The following THSD7A variants were observed in gnomAD, a reference collection of about 807,000 sequenced individuals.
The protein encoded by THSD7A is thrombospondin type-1 domain-containing protein 7A.
Under a neutral mutation model 231.3 loss-of-function variants are expected in THSD7A, and 96 were observed. The ratio of observed to expected loss-of-function variants is 0.41; its 90% CI spans 0.35 to 0.49. The LOEUF (loss-of-function observed/expected upper bound fraction) is 0.49, where lower values mean the gene tolerates loss of function less well. Ranked by LOEUF, THSD7A falls within the 20% of genes least tolerant of loss-of-function variation. The pLI, the probability that THSD7A is intolerant of heterozygous loss-of-function variation, is 0.05. For synonymous variants in THSD7A, 940 were observed against 743.3 expected (o/e 1.26, Z -4.30); for missense variants, 2,290 against 2,070.2 (o/e 1.11, Z -2.06).
intron 1 of THSD7A, among the ~76,000 whole-genome samples, chr7:11,736,784 A>G (rs1781930279): frequency 1.3e-5 from 2 of 151,998 alleles, no homozygotes; most frequent in Admixed American, 6.6e-5. Context: ...CTTTGAAAGT[A>G]CTTGATATGG....
intron 1 of THSD7A, among the ~76,000 whole-genome samples, chr7:11,716,442 C>T (rs911530283): frequency 1.3e-5 from 2 of 151,636 alleles, no homozygotes; most frequent in Non-Finnish European, 3.0e-5. Context: ...CCCAACCCTG[C>T]TCTGTGGTCC....
intron 1 of THSD7A, among the ~76,000 whole-genome samples, chr7:11,737,182 T>A (rs1781945044): frequency 6.6e-6 from 1 of 152,052 alleles, no homozygotes; most frequent in Admixed American, 6.6e-5. Flanking sequence ...AGTATTTATT[T>A]CATTTTGCTG....
intron 24 of THSD7A, among the ~76,000 whole-genome samples, chr7:11,380,488 T>C (rs1357005953): frequency 6.6e-6 from 1 of 152,210 alleles, no homozygotes; most frequent in Non-Finnish European, 1.5e-5. Flanking sequence ...GATGATTCTC[T>C]GGAATTTAAT....
At chr7:11,509,127 A>G (rs190391382) in intron 6 of THSD7A, among the ~76,000 whole-genome samples, 54 of 152,338 alleles carry the variant, frequency 3.5e-4, no homozygotes, top group African/African-American at 1.2e-3. Flanking sequence ...TACACTTTAC[A>G]TATAATTTTT....
At chr7:11,769,149 A>ATTTTTTTTTTTTTTTT (rs1245740094) in intron 1 of THSD7A, among the ~76,000 whole-genome samples, 29 of 36,254 alleles carry the variant, frequency 8.0e-4, no homozygotes, top group Non-Finnish European at 1.6e-3. Context: ...ATATATATAT[A>ATTTTTTTTTTTTTTTT]TATATTTTTT....
intron 6 of THSD7A, among the ~76,000 whole-genome samples, chr7:11,525,849 CAT>C (rs1183128454): frequency 7.9e-5 from 12 of 152,110 alleles, no homozygotes; most frequent in African/African-American, 2.9e-4. Context: ...GACTCTAAAA[CAT>C]ATGGATATAC....
At chr7:11,738,842 C>T (rs1054169941) in intron 1 of THSD7A, among the ~76,000 whole-genome samples, 1 of 151,986 alleles carries the variant, frequency 6.6e-6, no homozygotes, top group African/African-American at 2.4e-5. Flanking sequence ...AACCAAAGTC[C>T]TGCCATTACC....
At chr7:11,808,561 T>A (rs928902235) in intron 1 of THSD7A, among the ~76,000 whole-genome samples, 6 of 152,144 alleles carry the variant, frequency 3.9e-5, no homozygotes, top group African/African-American at 1.4e-4. Context: ...TGAAAAAATA[T>A]AGGTTTTCTA....
intron 22 of THSD7A, among the ~76,000 whole-genome samples, chr7:11,404,418 T>C (rs753495607): frequency 2.6e-5 from 4 of 152,174 alleles, no homozygotes; most frequent in Non-Finnish European, 5.9e-5. Flanking sequence ...AACAATCCTA[T>C]TACTGGTGCT....
In THSD7A at chr7:11,406,550, G is replaced by C; in HGVS notation, c.4063-76C>G. ...GAGAGCTCATCACTTAGTTATCTCT[G>C]CACCACTGACTTTGATTTATGAACA... On this transcript the variant is annotated intron_variant, in intron 21 of 27. Transcript: ENST00000423059. This position sits in a 1 kb window ranked among gnomAD's most constrained non-coding sequence, Gnocchi z 4.7. The C allele has an allele frequency of 7.2e-7, 1 of 1,391,978 alleles. No individual in the cohort carries two copies. Among genetic ancestry groups the C allele is most frequent in the Non-Finnish European group, 9.6e-7 (1 of 1,040,000 alleles). The allele number at this position is 1,391,978 out of a possible 1,614,324, so 86.2% of individuals were successfully genotyped here.
chr7:11,440,592 G>A lies in THSD7A; in HGVS notation c.3064+5469C>T, dbSNP rs111570688. Among the ~76,000 whole-genome samples the A allele has an allele frequency of 3.9e-5, 6 of 152,130 alleles. 2 individuals carry two copies. The highest frequency in any genetic ancestry group is 1.4e-4 in the African/African-American group (6 of 41,526). ...GAAGTTGGTTCTCATGGATGACTTT[G>A]AGGGGGTTCAAGACTTCAGTGGAGA... On this transcript the variant is annotated intron_variant, in intron 13 of 27. Transcript: ENST00000423059.
intron 1 of THSD7A, among the ~76,000 whole-genome samples, chr7:11,700,519 T>TAACAA (rs1437340226): frequency 1.3e-5 from 2 of 151,246 alleles, no homozygotes; most frequent in African/African-American, 4.8e-5. Flanking sequence ...AAAAAATACT[T>TAACAA]AATATATAAC....
chr7:11,638,433 A>G lies in THSD7A; in HGVS notation c.191-1472T>C, dbSNP rs537432210. 3.5e-4 allele frequency among the ~76,000 whole-genome samples: 53 copies of G among 152,320 alleles called. No individual in the cohort carries two copies. In the South Asian group the frequency reaches 0.01, roughly 30 times the overall value. ...GCTAGTATATGAATAAAGAAATATAAAGAATGTGCCTATCATATTTAATCT... is the reference window on the plus strand; with the variant it reads ...GCTAGTATATGAATAAAGAAATATAGAGAATGTGCCTATCATATTTAATCT... On this transcript the variant is annotated intron_variant, in intron 1 of 27. Coordinates refer to ENST00000423059, the MANE Select transcript of THSD7A (RefSeq NM_015204.3).
chr7:11,556,925 T>C (rs1402236424), intron 4 of THSD7A, among the ~76,000 whole-genome samples: 1 of 152,052 alleles, frequency 6.6e-6, no homozygotes, highest in Non-Finnish European at 1.5e-5. Flanking sequence ...TTATAATATG[T>C]CTTGGCATGT....
chr7:11,805,131 C>A (rs1051400492), intron 1 of THSD7A, among the ~76,000 whole-genome samples: 4 of 152,084 alleles, frequency 2.6e-5, no homozygotes, highest in Admixed American at 6.6e-5. Context: ...GAGTACCCAG[C>A]TTTTGGTCCA....
At chr7:11,586,114 G>C (rs1011513863) in intron 4 of THSD7A, among the ~76,000 whole-genome samples, 5 of 152,068 alleles carry the variant, frequency 3.3e-5, no homozygotes, top group African/African-American at 7.2e-5. Context: ...GCAGAAAGTG[G>C]TATGCTTAGA....
intron 1 of THSD7A, among the ~76,000 whole-genome samples, chr7:11,666,979 T>C (rs567114671): frequency 3.6e-4 from 55 of 152,258 alleles, no homozygotes; most frequent in African/African-American, 1.2e-3. Context: ...TAGCACTCTT[T>C]AGTTTTTTTA....
rs1784976805 is a variant in THSD7A, at chr7:11,446,512, G to A, written c.2801-188C>T. Among the ~76,000 whole-genome samples, 1 of 151,988 alleles carries A rather than the reference G, an allele frequency of 6.6e-6. No homozygotes were observed. Among genetic ancestry groups the A allele is most frequent in the African/African-American group, 2.4e-5 (1 of 41,372 alleles). On this transcript the variant is annotated intron_variant, in intron 12 of 27. Coordinates refer to ENST00000423059, the MANE Select transcript of THSD7A (RefSeq NM_015204.3). The surrounding 1 kb of genome is among the most constrained non-coding windows in gnomAD (Gnocchi z 4.0). The stretch of plus-strand genomic sequence containing the variant: ...ACATAGGCTCCTGTTGGTATTGGGT[G>A]CTTTGCATAGTAAAATTTGTATTAT...
intron 16 of THSD7A, among the ~76,000 whole-genome samples, chr7:11,423,792 C>A (rs1784230020): frequency 6.6e-6 from 1 of 152,060 alleles, no homozygotes; most frequent in African/African-American, 2.4e-5. Flanking sequence ...ACTTGGGAAT[C>A]TAATCTACAA....
Sources: allele counts gnomAD v4.1 joint callset (sites outside exome capture counted in the v4.1 genomes callset), GRCh38; gene constraint gnomAD v4.1.1; non-coding constraint Gnocchi (gnomAD v3.1); transcripts MANE v1.5; gene names NCBI Gene and HGNC (gene_info 2026-07-23, HGNC 2026-07-21).